WDR37: variants seen among roughly 807,000 people sequenced by gnomAD.
WDR37 encodes WD repeat domain 37.
Under a neutral mutation model 62.9 loss-of-function variants are expected in WDR37, and 19 were observed. That is an observed-to-expected ratio of 0.30 (90% CI 0.21 to 0.44). The LOEUF (loss-of-function observed/expected upper bound fraction) is 0.44. Ranked by LOEUF, WDR37 falls within the 20% of genes least tolerant of loss-of-function variation. The pLI is 1.00. For synonymous variants in WDR37, 250 were observed against 260.9 expected, an observed-to-expected ratio of 0.96 and a Z score of 0.40; for missense variants, 474 against 657.6, an observed-to-expected ratio of 0.72 and a Z score of 3.05.
chr10:1,108,662 G>A (rs182359729), intron 11 of WDR37, among the ~76,000 whole-genome samples: 7 of 151,896 alleles, frequency 4.6e-5, no homozygotes, highest in African/African-American at 1.5e-4. Flanking sequence ...TTGAGTATTA[G>A]CGAGCATAGA....
chr10:1,106,621 A>C (rs1480593845), intron 11 of WDR37, among the ~76,000 whole-genome samples: 2 of 151,870 alleles, frequency 1.3e-5, no homozygotes, highest in Non-Finnish European at 2.9e-5. Context: ...GGTTCAAGCG[A>C]TTCTCCTGCC....
rs147188561 is a variant in WDR37, at chr10:1,084,568, C to T, written c.532+30C>T. The T allele has an allele frequency of 1.8e-4, 295 of 1,603,484 alleles. 1 individual carries two copies. The African/African-American group carries it at 3.0e-3, about 16-fold the overall frequency. On this transcript the variant is annotated intron_variant, in intron 6 of 13. Coordinates refer to ENST00000263150, the MANE Select transcript of WDR37 (RefSeq NM_014023.4). ...GTCGCACACGGACCTGGCCAGCCTG[C>T]GGAAGCATGGCTGTGCTTAATCCCT...
intron 7 of WDR37, among the ~76,000 whole-genome samples, chr10:1,087,372 A>G (rs998661819): frequency 2.0e-5 from 3 of 152,240 alleles, no homozygotes; most frequent in African/African-American, 4.8e-5. Flanking sequence ...TACAGGAACG[A>G]GTGCTGTATT....
chr10:1,058,087 GAAC>G (rs367914299), intron 1 of WDR37, among the ~76,000 whole-genome samples: 3 of 151,884 alleles, frequency 2.0e-5, no homozygotes, highest in Non-Finnish European at 2.9e-5. Context: ...ATGTAAATAT[GAAC>G]TCACCAATGT....
Position 1,124,277 on chromosome 10 carries a change from G to T in WDR37, c.1163G>T (p.Arg388Leu). 1.2e-6 allele frequency: 2 copies of T among 1,614,170 alleles called. No homozygotes were observed. The highest frequency in any genetic ancestry group is 1.7e-6 in the Non-Finnish European group (2 of 1,180,040). ...AACGTGGTTTCAGGCAGCGATGACC[G>T]CACGGTGAAAGTCTGGGACTTGAAA... ...GDNVVSGSDD[R>L]TVKVWDLKNM... The change falls in exon 12 of 14, where the codon CGC becomes CTC. Residue 388 changes from arginine to leucine, a missense_variant. Physicochemically the swap from Arg to Leu is moderately radical, Grantham distance 102. Transcript: ENST00000263150.
At chr10:1,109,718 G>GA (rs956569485) in intron 11 of WDR37, among the ~76,000 whole-genome samples, 111 of 148,544 alleles carry the variant, frequency 7.5e-4, no homozygotes, top group Non-Finnish European at 8.7e-4. Flanking sequence ...CTCCGTCTCA[G>GA]AAAAAAAAAA....
intron 3 of WDR37, among the ~76,000 whole-genome samples, chr10:1,079,347 A>G (rs1181356505): frequency 6.6e-6 from 1 of 151,180 alleles, no homozygotes. Flanking sequence ...GGCCTCCAAA[A>G]TTGTTGGGAT....
chr10:1,072,408 G>T, intron 2 of WDR37, 115 bp downstream of exon 2: 1 of 1,344,452 alleles, frequency 7.4e-7, no homozygotes, highest in South Asian at 1.4e-5. Flanking sequence ...TCCACCTCCT[G>T]GGTGGAAGTG....
chr10:1,111,208 C>T (rs569482404), intron 11 of WDR37, among the ~76,000 whole-genome samples: 2 of 152,182 alleles, frequency 1.3e-5, no homozygotes, highest in Non-Finnish European at 2.9e-5. Context: ...CTTGTAGGAA[C>T]TAAGCGTAAA....
chr10:1,114,842 G>A (rs548499572), intron 11 of WDR37, among the ~76,000 whole-genome samples: 42 of 152,208 alleles, frequency 2.8e-4, no homozygotes, highest in Non-Finnish European at 5.3e-4. Flanking sequence ...CACCCAGGGG[G>A]CTGAACCCAC....
At chr10:1,106,140 G>C (rs1184246484) in intron 11 of WDR37, among the ~76,000 whole-genome samples, 1 of 152,126 alleles carries the variant, frequency 6.6e-6, no homozygotes, top group African/African-American at 2.4e-5. Flanking sequence ...CCTTCCCCCA[G>C]TCTGGCCCTG....
At chr10:1,114,131 A>AT (rs1360328183) in intron 11 of WDR37, among the ~76,000 whole-genome samples, 1 of 151,552 alleles carries the variant, frequency 6.6e-6, no homozygotes, top group African/African-American at 2.4e-5. Flanking sequence ...TAATTTTTAC[A>AT]TTTTTAGTAG....
intron 8 of WDR37, among the ~76,000 whole-genome samples, chr10:1,093,723 T>C (rs917048027): frequency 2.0e-5 from 3 of 152,236 alleles, no homozygotes; most frequent in African/African-American, 7.2e-5. Context: ...TGAAGATGGC[T>C]TCACGGTCTT....
At position 1,110,583 on chromosome 10, in the gene WDR37, G is replaced by T. The variant is rs1835183567; in HGVS notation, c.1103+5316G>T. Among the ~76,000 whole-genome samples, 3 of 152,344 alleles carry T rather than the reference G, an allele frequency of 2.0e-5. No individual in the cohort carries two copies. In the South Asian group the frequency reaches 6.2e-4, roughly 32 times the overall value. On this transcript the variant is annotated intron_variant, in intron 11 of 13. Coordinates refer to ENST00000263150, the MANE Select transcript of WDR37 (RefSeq NM_014023.4). Reference sequence around the variant, plus strand: ...TCCTGAGATGTGCGTCCGCGCCCCAGCACACCTGGGTGAGGTCCGGGGTGC... The same window carrying T: ...TCCTGAGATGTGCGTCCGCGCCCCATCACACCTGGGTGAGGTCCGGGGTGC...
At chr10:1,064,126 C>G (rs1270514527) in intron 1 of WDR37, among the ~76,000 whole-genome samples, 1 of 152,068 alleles carries the variant, frequency 6.6e-6, no homozygotes, top group African/African-American at 2.4e-5. Flanking sequence ...AAAAGAAACA[C>G]AAAATTTCAA....
At chr10:1,096,002 A>G (rs1309353413) in intron 8 of WDR37, among the ~76,000 whole-genome samples, 168 bp from the exon 9 acceptor site, 2 of 152,232 alleles carry the variant, frequency 1.3e-5, no homozygotes, top group Non-Finnish European at 1.5e-5. Context: ...TTTCAATAGC[A>G]TTATGCAGTC....
chr10:1,132,263 G>A lies in WDR37; in HGVS notation c.*2919G>A, dbSNP rs1289019639. 1 of 152,134 alleles carries A rather than the reference G, an allele frequency of 6.6e-6. No individual in the cohort carries two copies. Among genetic ancestry groups the A allele is most frequent in the African/African-American group, 2.4e-5 (1 of 41,404 alleles). The allele number at this position is 152,134 out of a possible 1,614,324, so 9.4% of individuals were successfully genotyped here. A position where few individuals can be genotyped will look rare whatever the true frequency, so the allele number is the denominator to read the frequency against. ...AATGACTATATAAACATCACGATGA[G>A]CTAGAAATTGAACAAATATAATACT... On this transcript the variant is annotated 3_prime_UTR_variant, in exon 14 of 14. Coordinates refer to ENST00000263150, the MANE Select transcript of WDR37 (RefSeq NM_014023.4).
chr10:1,103,796 G>C lies in WDR37; in HGVS notation c.921G>C (p.Leu307=), dbSNP rs778257659. 1.9e-6 allele frequency: 3 copies of C among 1,614,130 alleles called. No individual in the cohort carries two copies. The highest frequency in any genetic ancestry group is 1.3e-5 in the African/African-American group (1 of 74,934). The change falls in exon 10 of 14, where the codon CTG becomes CTC. Residue 307 remains leucine, a synonymous_variant. Coordinates refer to ENST00000263150, the MANE Select transcript of WDR37 (RefSeq NM_014023.4). This position sits in a 1 kb window ranked among gnomAD's most constrained non-coding sequence, Gnocchi z 6.3. ...VTASWDRTAN[L]YDVETSELVH... is the part of the protein sequence containing the mutation. ...CCTCCTGGGACCGGACGGCAAACCT[G>C]TACGACGTGGAGACGTCCGAGCTCG...
intron 1 of WDR37, among the ~76,000 whole-genome samples, chr10:1,059,763 C>T: frequency 6.6e-6 from 1 of 152,110 alleles, no homozygotes. Flanking sequence ...CGCCACTGCA[C>T]TCCAACCTGG....
Sources: gnomAD v4.1 joint callset for allele counts (sites outside exome capture counted in the v4.1 genomes callset) on GRCh38, gnomAD v4.1.1 for gene constraint, Gnocchi (gnomAD v3.1) non-coding constraint, MANE v1.5 for transcripts, NCBI Gene and HGNC (gene_info 2026-07-23, HGNC 2026-07-21) for gene names.